MED12L: variants seen among roughly 807,000 people sequenced by gnomAD.
MED12L encodes the protein mediator complex subunit 12L.
A neutral mutation model predicts 281.3 loss-of-function variants in MED12L; 60 were observed. That is an observed-to-expected ratio of 0.21 (90% CI 0.17 to 0.26). MED12L has a LOEUF of 0.26. Ranked by LOEUF, MED12L falls within the 10% of genes least tolerant of loss-of-function variation. The pLI is 1.00. For missense variants in MED12L, 2,146 were observed against 2,680.9 expected, an observed-to-expected ratio of 0.80 and a Z score of 4.41; for synonymous variants, 974 against 987.2, an observed-to-expected ratio of 0.99 and a Z score of 0.25.
intron 16 of MED12L, among the ~76,000 whole-genome samples, chr3:151,333,831 G>T (rs1750624839): frequency 2.0e-5 from 3 of 152,100 alleles, no homozygotes; most frequent in African/African-American, 7.2e-5. Context: ...TGTAATCCTA[G>T]CACTTTAGGA....
intron 43 of MED12L, 113 bp from the exon 44 acceptor site, chr3:151,430,186 T>G (rs1410941416): frequency 2.0e-6 from 3 of 1,468,764 alleles, no homozygotes; most frequent in South Asian, 2.7e-5. Flanking sequence ...TAGCCCTTTT[T>G]TCGTGAAGTG....
At chr3:151,164,589 G>A (rs1720436832) in intron 9 of MED12L, among the ~76,000 whole-genome samples, 1 of 152,070 alleles carries the variant, frequency 6.6e-6, no homozygotes, top group African/African-American at 2.4e-5. Flanking sequence ...GCAAAGACTT[G>A]GAACCAACCC....
At chr3:151,297,039 C>A (rs1253250671) in intron 16 of MED12L, among the ~76,000 whole-genome samples, 1 of 152,140 alleles carries the variant, frequency 6.6e-6, no homozygotes, top group Non-Finnish European at 1.5e-5. Context: ...CCCTTTTATT[C>A]CTTACCATGA....
At chr3:151,186,261 A>G (rs1360270096) in intron 12 of MED12L, among the ~76,000 whole-genome samples, 2 of 152,304 alleles carry the variant, frequency 1.3e-5, no homozygotes, top group African/African-American at 2.4e-5. Flanking sequence ...GAATGTGTGT[A>G]TATCATCTGA....
At chr3:151,106,321 C>T (rs1368667770) in intron 2 of MED12L, among the ~76,000 whole-genome samples, 2 of 100,508 alleles carry the variant, frequency 2.0e-5, no homozygotes, top group Non-Finnish European at 3.9e-5. Flanking sequence ...CCCCTCCCCT[C>T]CCCTCCCCTC....
chr3:151,198,127 T>G (rs1161206789), intron 16 of MED12L: 1 of 210,688 alleles, frequency 4.7e-6, no homozygotes, highest in Non-Finnish European at 9.5e-6. Flanking sequence ...TGAATACCTT[T>G]GGGTCTATGT....
In MED12L at chr3:151,165,873, C is replaced by T. The variant is rs1292367508; in HGVS notation, c.1385C>T (p.Thr462Met). Residue 462 changes from threonine to methionine, a missense_variant, in exon 11 of 45, where the codon ACG becomes ATG. Around this residue, in one of 9 missense-constraint regions of MED12L, gnomAD observed 722 missense variants for 861.2 expected, o/e 0.84. Transcript: ENST00000687756. ...GTGACTATTAGTCGGGTTTTGCACACGTTGGAAGTTTTGGATCGTCACTGT... is the reference window on the plus strand; with the variant it reads ...GTGACTATTAGTCGGGTTTTGCACATGTTGGAAGTTTTGGATCGTCACTGT... ...AGVTISRVLHTLEVLDRHCFD... is the reference protein window; with the variant it reads ...AGVTISRVLHMLEVLDRHCFD... 6 of 1,614,012 alleles carry T rather than the reference C, an allele frequency of 3.7e-6. No individual in the cohort carries two copies. Among genetic ancestry groups the T allele is most frequent in the East Asian group, 2.2e-5 (1 of 44,878 alleles).
intron 5 of MED12L, among the ~76,000 whole-genome samples, chr3:151,129,181 C>T (rs775456520): frequency 3.3e-5 from 5 of 152,136 alleles, no homozygotes; most frequent in African/African-American, 1.2e-4. Context: ...CTTCAGATGC[C>T]AGGTGGTGCC....
rs905837254 is a variant in MED12L at position 151,244,991 on chromosome 3, C to T, written c.2250+51325C>T. ...TACCATCAGATAATACTACAAACAC[C>T]TCTACGCAAATAAACTAGAAAATCT... On this transcript the variant is annotated intron_variant, in intron 16 of 44. Transcript: ENST00000687756. Among the ~76,000 whole-genome samples the T allele has an allele frequency of 7.0e-5, 10 of 143,776 alleles. No individual in the cohort carries two copies. In the South Asian group the frequency reaches 7.3e-4, roughly 10 times the overall value. 94.3% of individuals were successfully genotyped at this position (143,776 alleles called of 152,430 possible).
At chr3:151,412,641 A>C (rs1160267700) in intron 41 of MED12L, among the ~76,000 whole-genome samples, 2 of 152,154 alleles carry the variant, frequency 1.3e-5, no homozygotes, top group Non-Finnish European at 2.9e-5. Flanking sequence ...TTTTATAATA[A>C]ATAGCAGCAT....
chr3:151,190,548 T>C (rs1448759443), intron 13 of MED12L, among the ~76,000 whole-genome samples, 169 bp from the exon 14 acceptor site: 2 of 152,218 alleles, frequency 1.3e-5, no homozygotes, highest in African/African-American at 4.8e-5. Flanking sequence ...AATCAAAACC[T>C]GCCTGTCAGT....
chr3:151,253,999 G>GTTTTTTTTTTTTTTTTT (rs11453294), intron 16 of MED12L, among the ~76,000 whole-genome samples: 1 of 136,922 alleles, frequency 7.3e-6, no homozygotes, highest in Admixed American at 7.3e-5. Flanking sequence ...ATTTTTTCTT[G>GTTTTTTTTTTTTTTTTT]TTTTTTTTTT....
intron 16 of MED12L, among the ~76,000 whole-genome samples, chr3:151,314,518 G>A (rs959282526): frequency 6.6e-6 from 1 of 152,184 alleles, no homozygotes; most frequent in Non-Finnish European, 1.5e-5. Context: ...GCTGGCACTT[G>A]TATTAATACT....
chr3:151,171,697 A>G (rs921211851), intron 11 of MED12L, among the ~76,000 whole-genome samples: 1 of 152,218 alleles, frequency 6.6e-6, no homozygotes, highest in African/African-American at 2.4e-5. Context: ...CAAAGGCCCT[A>G]AGTTTAGAAA....
chr3:151,231,886 A>G (rs1381160829), intron 16 of MED12L, among the ~76,000 whole-genome samples: 2 of 152,222 alleles, frequency 1.3e-5, no homozygotes, highest in African/African-American at 4.8e-5. Context: ...ACTTATTTTG[A>G]AAGTACTTCA....
intron 42 of MED12L, 100 bp downstream of exon 42, chr3:151,413,395 G>A (rs2276764): frequency 0.48 from 640,713 of 1,346,706 alleles, 153,722 homozygotes; most frequent in Middle Eastern, 0.62. Context: ...TCAATTGCCA[G>A]ATTCCAAGGA....
chr3:151,308,027 G>A (rs953186013), intron 16 of MED12L, among the ~76,000 whole-genome samples: 8 of 152,086 alleles, frequency 5.3e-5, no homozygotes, highest in Admixed American at 1.3e-4. Context: ...AATACCTGAC[G>A]TACTTCCCAA....
At chr3:151,316,948 G>A (rs1378724244) in intron 16 of MED12L, 1 of 152,164 alleles carries the variant, frequency 6.6e-6, no homozygotes, top group Admixed American at 6.5e-5. Flanking sequence ...GAAACACAGA[G>A]GGCTGGAGCT....
At chr3:151,211,751 G>A (rs1285856771) in intron 16 of MED12L, among the ~76,000 whole-genome samples, 5 of 152,214 alleles carry the variant, frequency 3.3e-5, no homozygotes, top group African/African-American at 1.2e-4. Flanking sequence ...GGGCCCAGGT[G>A]ATCATCCCAC....
Sources: gnomAD v4.1 joint callset for allele counts (sites outside exome capture counted in the v4.1 genomes callset) on GRCh38, gnomAD v4.1.1 for gene constraint, gnomAD v4.1.1 regional missense constraint, MANE v1.5 for transcripts, NCBI Gene and HGNC (gene_info 2026-07-23, HGNC 2026-07-21) for gene names.